The following PUM2 variants were observed in gnomAD, a reference collection of about 807,000 sequenced individuals.
PUM2 encodes pumilio RNA binding family member 2.
In PUM2, 57 loss-of-function variants were observed where a neutral mutation model predicts 124.5. That is an observed-to-expected ratio of 0.46 (90% CI 0.37 to 0.57). PUM2 has a LOEUF of 0.57. Ranked by LOEUF, PUM2 falls within the 20% of genes least tolerant of loss-of-function variation. PUM2 has a pLI of 0.00. For synonymous variants in PUM2, 460 were observed against 446.1 expected (o/e 1.03, Z -0.39); for missense variants, 1,065 against 1,290.6 (o/e 0.83, Z 2.68).
intron 3 of PUM2, among the ~76,000 whole-genome samples, chr2:20,318,150 C>T (rs997259296): frequency 3.9e-5 from 6 of 152,162 alleles, no homozygotes; most frequent in African/African-American, 1.4e-4. Flanking sequence ...TACATTTCCA[C>T]TAGTAGTGTA....
At chr2:20,259,758 C>T (rs1665721637) in intron 15 of PUM2, among the ~76,000 whole-genome samples, 1 of 152,114 alleles carries the variant, frequency 6.6e-6, no homozygotes. Context: ...TGTTCAGGTT[C>T]CTGCTTTCAA....
chr2:20,311,368 C>T (rs1459705425), intron 5 of PUM2, 126 bp downstream of exon 5: 18 of 1,128,224 alleles, frequency 1.6e-5, no homozygotes, highest in Non-Finnish European at 2.0e-5. Flanking sequence ...TAAAATTTGT[C>T]CAGATTAACA....
At chr2:20,292,296 GT>G (rs76264694) in intron 9 of PUM2, among the ~76,000 whole-genome samples, 5,955 of 138,290 alleles carry the variant, frequency 0.043, 121 homozygotes, top group Middle Eastern at 0.067. Context: ...ACAGTTGGTA[GT>G]TTTTTTTTTT....
At chr2:20,295,058 A>T (rs1675183322) in intron 8 of PUM2, among the ~76,000 whole-genome samples, 1 of 152,196 alleles carries the variant, frequency 6.6e-6, no homozygotes, top group Non-Finnish European at 1.5e-5. Context: ...AACAACTGCA[A>T]ATTATAAGAA....
intron 7 of PUM2, among the ~76,000 whole-genome samples, chr2:20,304,871 T>C (rs1677845329): frequency 6.6e-6 from 1 of 152,252 alleles, no homozygotes. Flanking sequence ...ATTTCACCTA[T>C]TTTTTAATTT....
In PUM2 at chr2:20,277,603, G is replaced by GT. The variant is rs573908187; in HGVS notation, c.1957+979dup. ...ACATGGACATTTATTGTATTAGTAA[G>GT]TTTTTTTGCTTGTTTTTGTTTTTTT... On this transcript the variant is annotated intron_variant, in intron 13 of 20. Transcript: ENST00000361078. 1.6e-3 allele frequency among the ~76,000 whole-genome samples: 248 copies of GT among 152,126 alleles called. 2 individuals carry two copies. The highest frequency in any genetic ancestry group is 5.8e-3 in the African/African-American group (239 of 41,538).
intron 14 of PUM2, among the ~76,000 whole-genome samples, chr2:20,261,732 TAAC>T (rs908289173): frequency 2.6e-5 from 4 of 152,252 alleles, no homozygotes; most frequent in Non-Finnish European, 4.4e-5. Context: ...TCTTAGTTCT[TAAC>T]AAAAAGTTTA....
At chr2:20,336,769 T>A (rs1446927103) in intron 1 of PUM2, among the ~76,000 whole-genome samples, 1 of 121,250 alleles carries the variant, frequency 8.2e-6, no homozygotes. Flanking sequence ...TGTGTGTGTG[T>A]GTGTGTGTGT....
chr2:20,264,078 C>A (rs1666942772), intron 13 of PUM2, among the ~76,000 whole-genome samples: 1 of 151,012 alleles, frequency 6.6e-6, no homozygotes, highest in Non-Finnish European at 1.5e-5. Context: ...GTGGCTCATG[C>A]CTGTAATCCC....
intron 10 of PUM2, 58 bp downstream of exon 10, chr2:20,290,594 G>A (rs1440141468): frequency 6.6e-7 from 1 of 1,513,544 alleles, no homozygotes; most frequent in East Asian, 2.3e-5. Context: ...TTCAGTGTGA[G>A]TACCTACACT....
At chr2:20,308,123 T>A (rs762719639) in intron 6 of PUM2, 52 bp from the exon 7 acceptor site, 18 of 1,568,358 alleles carry the variant, frequency 1.1e-5, no homozygotes, top group African/African-American at 2.7e-5. Context: ...CTTTCATTTC[T>A]AATTAGAAAT....
At chr2:20,342,128 C>CAAAAAAAAAA (rs776745768) in intron 1 of PUM2, among the ~76,000 whole-genome samples, 1 of 94,470 alleles carries the variant, frequency 1.1e-5, no homozygotes, top group African/African-American at 4.5e-5. Flanking sequence ...GACTCTGTCT[C>CAAAAAAAAAA]AAAAAAAAAA....
chr2:20,344,362 AC>A (rs1178144015), intron 1 of PUM2, among the ~76,000 whole-genome samples: 3 of 152,202 alleles, frequency 2.0e-5, no homozygotes, highest in Non-Finnish European at 4.4e-5. Flanking sequence ...AGTCTTTCTT[AC>A]AGTCAGTTCC....
At chr2:20,258,214 AC>A (rs1665280831) in intron 16 of PUM2, 28 bp downstream of exon 16, 2 of 1,536,720 alleles carry the variant, frequency 1.3e-6, no homozygotes, top group East Asian at 2.4e-5. Context: ...ATAAAATAAT[AC>A]AAAAATTTTG....
At chr2:20,350,462 G>T (rs960471812) in intron 1 of PUM2, 135 bp downstream of exon 1, 33 of 983,228 alleles carry the variant, frequency 3.4e-5, no homozygotes, top group Non-Finnish European at 4.0e-5. Context: ...AGGCCGCACC[G>T]GCCCGGGCAC....
chr2:20,350,583 G>C lies in PUM2; in HGVS notation c.-19+14C>G. On this transcript the variant is annotated intron_variant, in intron 1 of 20. Transcript: ENST00000361078. Reference sequence around the variant, plus strand: ...CCAAAGGACCGGAGAAAGAGCGAACGCGGACTGACTTACAGGGCTGCTGCG... The same window carrying C: ...CCAAAGGACCGGAGAAAGAGCGAACCCGGACTGACTTACAGGGCTGCTGCG... 2 of 985,464 alleles carry C rather than the reference G, an allele frequency of 2.0e-6. No individual in the cohort carries two copies. The highest frequency in any genetic ancestry group is 2.4e-6 in the Non-Finnish European group (2 of 829,952). 61.0% of individuals were successfully genotyped at this position (985,464 alleles called of 1,614,324 possible).
chr2:20,349,096 A>G (rs1236162861), intron 1 of PUM2, among the ~76,000 whole-genome samples: 1 of 152,244 alleles, frequency 6.6e-6, no homozygotes, highest in Non-Finnish European at 1.5e-5. Context: ...AGGCTCTTTT[A>G]AAAAGTTGAA....
rs147310993 is a variant in PUM2 at position 20,317,896 on chromosome 2, T to C, written c.160+641A>G. Among the ~76,000 whole-genome samples the C allele has an allele frequency of 7.0e-3, 1,063 of 152,330 alleles. 11 individuals are homozygous for C. Among genetic ancestry groups the C allele is most frequent in the African/African-American group, 0.024 (978 of 41,560 alleles). On this transcript the variant is annotated intron_variant, in intron 3 of 20. Coordinates refer to ENST00000361078, the MANE Select transcript of PUM2 (RefSeq NM_015317.5). ...TCTTTTTTTCATGGCTGCATAGTGT[T>C]CCATGGTGCATATGTACCACATTTT...
At chr2:20,265,488 T>C (rs1667443950) in intron 13 of PUM2, among the ~76,000 whole-genome samples, 1 of 152,230 alleles carries the variant, frequency 6.6e-6, no homozygotes, top group African/African-American at 2.4e-5. Context: ...CCCATCTGAT[T>C]CTTTAAAATT....
Sources: gnomAD v4.1 joint callset for allele counts (sites outside exome capture counted in the v4.1 genomes callset) on GRCh38, gnomAD v4.1.1 for gene constraint, MANE v1.5 for transcripts, NCBI Gene and HGNC (gene_info 2026-07-23, HGNC 2026-07-21) for gene names.